Variants in NLRP1 observed in about 807,000 individuals in gnomAD.
The protein encoded by NLRP1 is NACHT, LRR and PYD domains-containing protein 1.
A neutral mutation model predicts 136.7 loss-of-function variants in NLRP1; 94 were observed. The ratio of observed to expected loss-of-function variants is 0.69; its 90% CI spans 0.58 to 0.82. The LOEUF is 0.82. Ranked by LOEUF, NLRP1 falls within the 40% of genes least tolerant of loss-of-function variation. The pLI is 0.00. For missense variants in NLRP1, 1,575 were observed against 1,802.7 expected, an observed-to-expected ratio of 0.87 and a Z score of 2.29; for synonymous variants, 690 against 725.1, an observed-to-expected ratio of 0.95 and a Z score of 0.78.
rs1912555471 is a variant in NLRP1 at position 5,545,566 on chromosome 17, ACAC to A, written c.2529-3542_2529-3540del. ...CACACAGACACACACAGACACACAC[ACAC>A]GACTCAGTATGTGGCATTGTAGAGC... is the stretch of plus-strand genomic sequence containing the variant. On this transcript the variant is annotated intron_variant, in intron 5 of 16. Coordinates refer to ENST00000572272, the MANE Select transcript of NLRP1 (RefSeq NM_033004.4). Among the ~76,000 whole-genome samples the A allele has an allele frequency of 6.6e-5, 10 of 152,198 alleles. No homozygotes were observed. In the South Asian group the frequency reaches 2.1e-3, roughly 32 times the overall value.
intron 12 of NLRP1, among the ~76,000 whole-genome samples, chr17:5,527,060 G>A (rs948564949): frequency 2.8e-4 from 43 of 152,382 alleles, no homozygotes; most frequent in Non-Finnish European, 1.5e-4. Context: ...ATTTCTGGAA[G>A]GGGCCCTGCC....
Position 5,560,055 on chromosome 17 carries a change from A to C in NLRP1, c.653-12T>G, listed in dbSNP as rs542327390. On this transcript the variant is annotated splice_polypyrimidine_tract_variant and intron_variant, in intron 3 of 16. Coordinates refer to ENST00000572272, the MANE Select transcript of NLRP1 (RefSeq NM_033004.4). ...TCTTTCTCTGATTTCTAAGTAAGGG[A>C]GGGAAAGAAGGAACATAAAGGTAGA... 6.5e-7 allele frequency: 1 copy of C among 1,539,586 alleles called. No individual in the cohort carries two copies. Among genetic ancestry groups the C allele is most frequent in the African/African-American group, 1.4e-5 (1 of 71,890 alleles).
At chr17:5,552,985 T>C (rs1366624151) in intron 5 of NLRP1, among the ~76,000 whole-genome samples, 1 of 152,046 alleles carries the variant, frequency 6.6e-6, no homozygotes, top group Admixed American at 6.6e-5. Context: ...AAGCCTGGCA[T>C]AGTCTACTTC....
intron 9 of NLRP1, among the ~76,000 whole-genome samples, 167 bp from the exon 10 acceptor site, chr17:5,533,551 G>GTTTTTTTTTT (rs35006823): frequency 1.1e-5 from 1 of 90,018 alleles, no homozygotes; most frequent in African/African-American, 4.4e-5. Flanking sequence ...GTGAGACTCT[G>GTTTTTTTTTT]TTTTTTTTTT....
In NLRP1 at chr17:5,582,686, A is replaced by C. The variant is rs201247840; in HGVS notation, c.432T>G (p.Ser144=). The change falls in exon 2 of 17, where the codon TCT becomes TCG. Residue 144 remains serine, a synonymous_variant. Transcript: ENST00000572272. ...RRVLRQLPDT[S]GRRWREISAS... is the part of the protein sequence containing the mutation. The stretch of plus-strand genomic sequence containing the variant: ...AAGCCTCACCTCTCCAGCGGCGTCC[A>C]GATGTGTCAGGCAGCTGTCTCAAAA... 6.2e-7 allele frequency: 1 copy of C among 1,614,128 alleles called. No individual in the cohort carries two copies. The highest frequency in any genetic ancestry group is 8.5e-7 in the Non-Finnish European group (1 of 1,180,020).
intron 5 of NLRP1, among the ~76,000 whole-genome samples, chr17:5,548,339 G>A (rs1345529880): frequency 1.4e-4 from 21 of 152,078 alleles, no homozygotes; most frequent in Admixed American, 1.4e-3. Context: ...CTCCCCTCCT[G>A]TTACAGTAAA....
At chr17:5,533,233 A>C (rs1910548907) in intron 10 of NLRP1, 71 bp downstream of exon 10, 1 of 1,548,860 alleles carries the variant, frequency 6.5e-7, no homozygotes, top group Admixed American at 2.0e-5. Flanking sequence ...TCTCCCCAGC[A>C]TGCCCAGGTG....
At position 5,559,991 on chromosome 17, in the gene NLRP1, T is replaced by C; in HGVS notation, c.705A>G (p.Ala235=). ...EKSEKGRPPW[A]AVVGTPPQAH... is the part of the protein sequence containing the mutation. ...CCTGTGGGGGCGTTCCTACCACCGC[T>C]GCCCATGGGGGCCTGCCTTTCTCTG... is the stretch of plus-strand genomic sequence containing the variant. The change falls in exon 4 of 17, where the codon GCA becomes GCG. Residue 235 remains alanine, a synonymous_variant. Transcript: ENST00000572272. 6.2e-7 allele frequency: 1 copy of C among 1,602,032 alleles called. No individual in the cohort carries two copies. The highest frequency in any genetic ancestry group is 8.5e-7 in the Non-Finnish European group (1 of 1,175,128).
chr17:5,540,766 C>A (rs1911769800), intron 6 of NLRP1, among the ~76,000 whole-genome samples: 1 of 152,160 alleles, frequency 6.6e-6, no homozygotes. Context: ...CCTTCCCATG[C>A]CCCCTTCCCA....
At position 5,533,904 on chromosome 17, in the gene NLRP1, G is replaced by C; in HGVS notation, c.3045C>G (p.Leu1015=). Residue 1015 remains leucine (L), a synonymous_variant, in exon 9 of 17, where the codon CTC becomes CTG. Transcript: ENST00000572272. ...NSTSSLKRQR[L]GSERAASHVA... ...CTTGCCCCTTCAAACTACCTGATCC[G>C]AGTCTCTGCCGCTTGAGTGAGGATG... is the stretch of plus-strand genomic sequence containing the variant. The C allele has an allele frequency of 6.2e-7, 1 of 1,609,106 alleles. No individual in the cohort carries two copies. The highest frequency in any genetic ancestry group is 8.5e-7 in the Non-Finnish European group (1 of 1,176,376).
At chr17:5,507,778 C>T (rs1034952059) in intron 15 of NLRP1, among the ~76,000 whole-genome samples, 7 of 152,046 alleles carry the variant, frequency 4.6e-5, no homozygotes, top group African/African-American at 1.7e-4. Context: ...TTGTAGTGAG[C>T]CGAGATTGCG....
intron 14 of NLRP1, 70 bp from the exon 15 acceptor site, chr17:5,517,957 T>C: frequency 6.6e-7 from 1 of 1,516,688 alleles, no homozygotes; most frequent in Non-Finnish European, 9.1e-7. Flanking sequence ...ACCTGACACC[T>C]TCTTGGCCCT....
At chr17:5,547,030 G>A (rs1471559439) in intron 5 of NLRP1, among the ~76,000 whole-genome samples, 1 of 152,166 alleles carries the variant, frequency 6.6e-6, no homozygotes, top group East Asian at 1.9e-4. Flanking sequence ...ACTGAGTTGT[G>A]TCCAGCTCTC....
chr17:5,506,284 CA>C (rs201536042), intron 15 of NLRP1, among the ~76,000 whole-genome samples: 3,369 of 127,084 alleles, frequency 0.027, 44 homozygotes, highest in Middle Eastern at 0.047. Context: ...AAGTCTGTCT[CA>C]AAAAAAAAAA....
In NLRP1 at chr17:5,568,783, G is replaced by C. The variant is rs530289475; in HGVS notation, c.653-8740C>G. On this transcript the variant is annotated intron_variant, in intron 3 of 16. Transcript: ENST00000572272. ...GGCACCCTAAGCCCAGTAATGCTGT[G>C]GTTCTTGCACAGTCATAGAGGTACC... Among the ~76,000 whole-genome samples, 13 of 152,236 alleles carry C rather than the reference G, an allele frequency of 8.5e-5. No individual in the cohort carries two copies. The South Asian group carries it at 2.7e-3, about 32-fold the overall frequency.
chr17:5,546,272 T>C (rs1034692435), intron 5 of NLRP1, among the ~76,000 whole-genome samples: 3 of 152,224 alleles, frequency 2.0e-5, no homozygotes, highest in African/African-American at 7.2e-5. Context: ...ATGTATGCCA[T>C]GTTCTTAGGG....
Position 5,504,001 on chromosome 17 carries a change from G to A in NLRP1, c.4070-2129C>T, listed in dbSNP as rs1260290402. The stretch of plus-strand genomic sequence containing the variant: ...CATCCATTTAGGGGTATTTGCCTCT[G>A]GAAGAAAGATACACTGTCTGAGTCA... On this transcript the variant is annotated intron_variant, in intron 15 of 15. Coordinates refer to the NLRP1 transcript ENST00000262467. The surrounding 1 kb of genome is among the most constrained non-coding windows in gnomAD (Gnocchi z 4.4). The A allele has an allele frequency of 6.6e-6, 1 of 152,240 alleles. No homozygotes were observed. The highest frequency in any genetic ancestry group is 1.5e-5 in the Non-Finnish European group (1 of 68,078). The allele number at this position is 152,240 out of a possible 1,614,324, so 9.4% of individuals were successfully genotyped here.
intron 3 of NLRP1, among the ~76,000 whole-genome samples, chr17:5,580,433 GTTT>G (rs918947523): frequency 6.7e-6 from 1 of 148,234 alleles, no homozygotes; most frequent in African/African-American, 2.5e-5. Context: ...GTTTGTTGTT[GTTT>G]TTTTTTTAAG....
intron 15 of NLRP1, among the ~76,000 whole-genome samples, chr17:5,507,058 A>G (rs2151727597): frequency 6.6e-6 from 1 of 152,316 alleles, no homozygotes; most frequent in East Asian, 1.9e-4. Context: ...TTAAAGAGAC[A>G]GAAAGTAGAA....
Sources: allele counts gnomAD v4.1 joint callset (sites outside exome capture counted in the v4.1 genomes callset), GRCh38; gene constraint gnomAD v4.1.1; non-coding constraint Gnocchi (gnomAD v3.1); transcripts MANE v1.5; gene names NCBI Gene and HGNC (gene_info 2026-07-23, HGNC 2026-07-21).